The following TREM1 variants were observed in gnomAD, a reference collection of about 807,000 sequenced individuals.
The protein encoded by TREM1 is triggering receptor expressed on monocytes 1.
Under a neutral mutation model 22.4 loss-of-function variants are expected in TREM1, and 16 were observed. The ratio of observed to expected loss-of-function variants is 0.71; its 90% confidence interval spans 0.48 to 1.08. The LOEUF (loss-of-function observed/expected upper bound fraction) is 1.08. TREM1 is among the 50% of genes least tolerant of loss of function. The pLI, the probability that TREM1 is intolerant of heterozygous loss-of-function variation, is 0.00. For missense variants in TREM1, 283 were observed against 282.9 expected, an observed-to-expected ratio of 1.00 and a Z score of 0.00; for synonymous variants, 110 against 111.6, an observed-to-expected ratio of 0.99 and a Z score of 0.09.
chr6:41,279,773 T>G, intron 3 of TREM1: 1 of 985,488 alleles, frequency 1.0e-6, no homozygotes, highest in Non-Finnish European at 1.2e-6. Flanking sequence ...ACTGCTTTAT[T>G]TATGCTTAAT....
At position 41,276,041 on chromosome 6, in the gene TREM1, C is replaced by T. The variant is rs1240263210; in HGVS notation, c.*84G>A. 1.9e-6 allele frequency: 2 copies of T among 1,031,664 alleles called. No individual in the cohort carries two copies. Among genetic ancestry groups the T allele is most frequent in the East Asian group, 2.4e-5 (1 of 42,106 alleles). The allele number at this position is 1,031,664 out of a possible 1,614,324, so 63.9% of individuals were successfully genotyped here. ...TTAATTCATGTTATTAACTCCCTGC[C>T]TTTTACCTCCTCCCTCCTCCCTTGG... is the stretch of plus-strand genomic sequence containing the variant. On this transcript the variant is annotated 3_prime_UTR_variant, in exon 4 of 4. Coordinates refer to ENST00000244709, the MANE Select transcript of TREM1 (RefSeq NM_018643.5).
chr6:41,270,446 A>AATATAAT (rs1554145643), downstream of TREM1, among the ~76,000 whole-genome samples: 1 of 144,008 alleles, frequency 6.9e-6, no homozygotes, highest in African/African-American at 2.8e-5. Flanking sequence ...GATATTATAT[A>AATATAAT]ATATATATAT....
chr6:41,271,197 C>T (rs1767471401), downstream of TREM1, among the ~76,000 whole-genome samples: 1 of 152,310 alleles, frequency 6.6e-6, no homozygotes, highest in East Asian at 1.9e-4. Flanking sequence ...CACCTGGTTC[C>T]ATCATCATCA....
chr6:41,282,374 C>A, intron 2 of TREM1, 21 bp downstream of exon 2: 1 of 1,578,878 alleles, frequency 6.3e-7, no homozygotes, highest in South Asian at 1.1e-5. Context: ...CTTCTTTCCC[C>A]CCAAGTCCCA....
At chr6:41,276,325 C>A in intron 3 of TREM1, 95 bp from the exon 4 acceptor site, 1 of 851,720 alleles carries the variant, frequency 1.2e-6, no homozygotes, top group South Asian at 1.5e-5. Context: ...CCACTCTCCT[C>A]TGCTTAGATC....
At chr6:41,286,379 A>G (rs967614060) in intron 1 of TREM1, among the ~76,000 whole-genome samples, 2 of 152,118 alleles carry the variant, frequency 1.3e-5, no homozygotes, top group Non-Finnish European at 2.9e-5. Context: ...GCATGTCTCT[A>G]ACAACATCGA....
At chr6:41,273,588 C>A (rs1767551634), downstream of TREM1, among the ~76,000 whole-genome samples, 1 of 152,236 alleles carries the variant, frequency 6.6e-6, no homozygotes, top group Admixed American at 6.5e-5. Context: ...AACAGCAAGA[C>A]ACCGCTGGCT....
downstream of TREM1, chr6:41,270,279 C>T (rs1332954902): frequency 1.3e-5 from 2 of 152,372 alleles, no homozygotes; most frequent in Admixed American, 1.3e-4. Context: ...CTTCTCTCAC[C>T]TCTGCATCCC....
chr6:41,282,093 G>A (rs1356053038), intron 2 of TREM1: 2 of 316,548 alleles, frequency 6.3e-6, no homozygotes, highest in Non-Finnish European at 1.2e-5. Flanking sequence ...ATCCTTGGGA[G>A]GGGGAGTCAG....
chr6:41,268,165 C>T (rs1767382294), intron 3 of TREM1: 2 of 397,990 alleles, frequency 5.0e-6, no homozygotes, highest in African/African-American at 2.1e-5. Context: ...CACTTGGCAT[C>T]CTTTATGGTC....
intron 3 of TREM1, among the ~76,000 whole-genome samples, chr6:41,268,272 G>A (rs1013634850): frequency 2.6e-5 from 4 of 152,222 alleles, no homozygotes; most frequent in African/African-American, 7.2e-5. Flanking sequence ...AGTTCCTGGA[G>A]AGAAGGAATA....
intron 3 of TREM1, chr6:41,280,724 G>C: frequency 7.0e-7 from 1 of 1,436,890 alleles, no homozygotes; most frequent in Non-Finnish European, 9.1e-7. Context: ...TTAATACTCA[G>C]GTTGCAAGGA....
In TREM1 at chr6:41,282,555, C is replaced by T. The variant is rs1488238566; in HGVS notation, c.246G>A (p.Val82=). 1.2e-6 allele frequency: 2 copies of T among 1,614,194 alleles called. No homozygotes were observed. The highest frequency in any genetic ancestry group is 1.3e-5 in the African/African-American group (1 of 75,036). The part of the protein sequence containing the change: ...RPSKNSHPVQ[V]GRIILEDYHD... Reference sequence around the variant, plus strand: ...GGTAGTCTTCTAGTATGATCCTCCCCACTTGGACTGGATGGGAATTCTTTG... The same window carrying T: ...GGTAGTCTTCTAGTATGATCCTCCCTACTTGGACTGGATGGGAATTCTTTG... The change falls in exon 2 of 4, where the codon GTG becomes GTA. Residue 82 remains valine (V), a synonymous_variant. Coordinates refer to ENST00000244709, the MANE Select transcript of TREM1 (RefSeq NM_018643.5).
At chr6:41,272,156 G>A (rs1438197239), downstream of TREM1, among the ~76,000 whole-genome samples, 1 of 152,154 alleles carries the variant, frequency 6.6e-6, no homozygotes, top group Admixed American at 6.5e-5. Context: ...TCAGGAAGAT[G>A]CAGAAAAAGA....
Position 41,275,887 on chromosome 6 carries a change from G to A in TREM1, c.*238C>T, listed in dbSNP as rs961546649. ...AACCCCAAGTGGCTGGTGGAATGAA[G>A]GACCAAGCATGTTTGGGGCTGTAAC... On this transcript the variant is annotated 3_prime_UTR_variant, in exon 4 of 4. Coordinates refer to ENST00000244709, the MANE Select transcript of TREM1 (RefSeq NM_018643.5). The A allele has an allele frequency of 7.3e-6, 4 of 550,338 alleles. No homozygotes were observed. Among genetic ancestry groups the A allele is most frequent in the South Asian group, 2.1e-5 (1 of 47,234 alleles). The allele number at this position is 550,338 out of a possible 1,614,324, so 34.1% of individuals were successfully genotyped here.
chr6:41,282,987 T>G (rs1275230278), intron 1 of TREM1, among the ~76,000 whole-genome samples: 1 of 152,136 alleles, frequency 6.6e-6, no homozygotes, highest in Admixed American at 6.5e-5. Flanking sequence ...GAGGATCAAA[T>G]TTCATAAATG....
chr6:41,270,286 T>A (rs1372063526), downstream of TREM1: 1 of 152,264 alleles, frequency 6.6e-6, no homozygotes, highest in Non-Finnish European at 1.5e-5. Context: ...CACCTCTGCA[T>A]CCCCAACCTC....
chr6:41,286,521 C>T, intron 1 of TREM1, 86 bp downstream of exon 1: 8 of 1,471,792 alleles, frequency 5.4e-6, no homozygotes, highest in Non-Finnish European at 5.7e-6. Flanking sequence ...CTTGGATGGC[C>T]CTGTGCTCTG....
chr6:41,284,731 G>A (rs548516138), intron 1 of TREM1, among the ~76,000 whole-genome samples: 29 of 152,232 alleles, frequency 1.9e-4, no homozygotes, highest in South Asian at 6.2e-4. Context: ...GAGCCCCCTG[G>A]CATGCCCACC....
Sources: allele counts gnomAD v4.1 joint callset (sites outside exome capture counted in the v4.1 genomes callset), GRCh38; gene constraint gnomAD v4.1.1; transcripts MANE v1.5; gene names NCBI Gene and HGNC (gene_info 2026-07-23, HGNC 2026-07-21).